The following NPSR1 variants were observed in gnomAD, a reference collection of about 807,000 sequenced individuals.
NPSR1 encodes the protein neuropeptide S receptor 1.
NPSR1 carries 48 observed loss-of-function variants against 46.9 expected under a neutral mutation model. The ratio of observed to expected loss-of-function variants is 1.02; its 90% confidence interval spans 0.81 to 1.30. The LOEUF (loss-of-function observed/expected upper bound fraction) is 1.30. Ranked by LOEUF, NPSR1 falls within the 50% of genes most tolerant of loss-of-function variation. The pLI, the probability that NPSR1 is intolerant of heterozygous loss-of-function variation, is 0.00. For synonymous variants in NPSR1, 176 were observed against 168.1 expected (o/e 1.05, Z -0.36); for missense variants, 450 against 449.5 (o/e 1.00, Z -0.01).
At chr7:34,678,161 C>T (rs914190467) in intron 1 of NPSR1, among the ~76,000 whole-genome samples, 3 of 151,954 alleles carry the variant, frequency 2.0e-5, no homozygotes, top group Non-Finnish European at 2.9e-5. Flanking sequence ...ATAAACCATC[C>T]CCCAGCACCA....
chr7:34,844,070 ACT>A (rs1347046592), intron 6 of NPSR1, among the ~76,000 whole-genome samples: 4 of 151,928 alleles, frequency 2.6e-5, no homozygotes, highest in South Asian at 2.1e-4. Flanking sequence ...GACAGTAGAA[ACT>A]CTTCCATGAG....
chr7:34,793,932 C>A (rs530030505), intron 3 of NPSR1, among the ~76,000 whole-genome samples: 4 of 152,144 alleles, frequency 2.6e-5, no homozygotes, highest in African/African-American at 9.6e-5. Context: ...ATAGATGAAC[C>A]TGGAGAACAT....
chr7:34,827,518 C>T lies in NPSR1; in HGVS notation c.596C>T (p.Ala199Val), dbSNP rs1789914235. ...TLSNGEVQCWALWPDDSYWTP... is the reference protein window; with the variant it reads ...TLSNGEVQCWVLWPDDSYWTP... ...TCCAACGGTGAAGTGCAGTGCTGGG[C>T]CCTGTGGCCTGACGACTCCTACTGG... The change falls in exon 5 of 9, where the codon GCC (alanine) becomes GTC (valine). Residue 199 changes from alanine (A) to valine (V), a missense_variant. Coordinates refer to ENST00000360581, the MANE Select transcript of NPSR1 (RefSeq NM_207172.2). 3 of 1,613,990 alleles carry T rather than the reference C, an allele frequency of 1.9e-6. No individual in the cohort carries two copies. Among genetic ancestry groups the T allele is most frequent in the Non-Finnish European group, 2.5e-6 (3 of 1,179,936 alleles).
intron 4 of NPSR1, among the ~76,000 whole-genome samples, chr7:34,826,887 CA>C (rs58951477): frequency 0.21 from 29,697 of 140,722 alleles, 3,164 homozygotes; most frequent in South Asian, 0.37. Context: ...ATGTTCCTAC[CA>C]AAAAAAAAAA....
At chr7:34,709,123 C>A (rs1009690314) in intron 2 of NPSR1, among the ~76,000 whole-genome samples, 1 of 152,110 alleles carries the variant, frequency 6.6e-6, no homozygotes, top group Admixed American at 6.5e-5. Context: ...TTGAGAGTAA[C>A]TAAGTATCTG....
At chr7:34,739,488 A>G (rs1784834619) in intron 2 of NPSR1, among the ~76,000 whole-genome samples, 1 of 152,132 alleles carries the variant, frequency 6.6e-6, no homozygotes. Flanking sequence ...CTAATAATTA[A>G]TGATGGTGAG....
At chr7:34,730,664 C>T (rs891271916) in intron 2 of NPSR1, among the ~76,000 whole-genome samples, 2 of 152,212 alleles carry the variant, frequency 1.3e-5, no homozygotes, top group Admixed American at 6.5e-5. Context: ...TATACAGAAG[C>T]CTTCTGGCTC....
chr7:34,750,302 G>A (rs948833477), intron 2 of NPSR1: 1 of 697,536 alleles, frequency 1.4e-6, no homozygotes, highest in Non-Finnish European at 2.7e-6. Flanking sequence ...TATTTTCTTG[G>A]GTGTCCTGTC....
chr7:34,826,570 G>C (rs1789850927), intron 4 of NPSR1, among the ~76,000 whole-genome samples: 1 of 152,194 alleles, frequency 6.6e-6, no homozygotes, highest in Non-Finnish European at 1.5e-5. Flanking sequence ...ATTAAGATGA[G>C]AGTTTCAACA....
chr7:34,824,065 G>A (rs1789709446), intron 4 of NPSR1, among the ~76,000 whole-genome samples: 1 of 152,074 alleles, frequency 6.6e-6, no homozygotes, highest in Non-Finnish European at 1.5e-5. Context: ...CTTTTCAGAG[G>A]AAAAAAATTA....
At chr7:34,699,949 C>T (rs1414234474) in intron 2 of NPSR1, among the ~76,000 whole-genome samples, 1 of 152,178 alleles carries the variant, frequency 6.6e-6, no homozygotes, top group Non-Finnish European at 1.5e-5. Context: ...AGCCCCTCTT[C>T]TGCTAGCTTT....
chr7:34,760,896 G>T (rs937130080), intron 2 of NPSR1, among the ~76,000 whole-genome samples: 2 of 152,194 alleles, frequency 1.3e-5, no homozygotes, highest in Non-Finnish European at 1.5e-5. Flanking sequence ...AGAGGAGCCA[G>T]TGTGATGCCT....
At chr7:34,775,720 C>G (rs1011567297) in intron 2 of NPSR1, among the ~76,000 whole-genome samples, 1 of 152,058 alleles carries the variant, frequency 6.6e-6, no homozygotes, top group African/African-American at 2.4e-5. Flanking sequence ...TTCTTCATCT[C>G]AATTTCATTT....
intron 2 of NPSR1, among the ~76,000 whole-genome samples, chr7:34,771,474 T>G (rs1207323235): frequency 6.6e-6 from 1 of 152,136 alleles, no homozygotes; most frequent in African/African-American, 2.4e-5. Flanking sequence ...AAGGGAGATT[T>G]ATCTCCCTAG....
chr7:34,664,616 TAAAAA>T (rs781560805), intron 1 of NPSR1, among the ~76,000 whole-genome samples: 1,653 of 145,064 alleles, frequency 0.011, 33 homozygotes, highest in African/African-American at 0.04. Flanking sequence ...TTCTTTTTTT[TAAAAA>T]AAAAAAATGA....
At chr7:34,803,811 G>A (rs1343458216) in intron 3 of NPSR1, among the ~76,000 whole-genome samples, 6 of 149,860 alleles carry the variant, frequency 4.0e-5, no homozygotes, top group African/African-American at 1.5e-4. Flanking sequence ...AATGAAAGAG[G>A]GGTCATCACT....
At chr7:34,822,369 T>C (rs1039390155) in intron 4 of NPSR1, among the ~76,000 whole-genome samples, 1 of 152,096 alleles carries the variant, frequency 6.6e-6, no homozygotes, top group Admixed American at 6.6e-5. Flanking sequence ...GGGAGTCAAA[T>C]GTAGCTGTGC....
At chr7:34,872,302 G>A (rs114502515) in intron 8 of NPSR1, among the ~76,000 whole-genome samples, 2,824 of 152,024 alleles carry the variant, frequency 0.019, 185 homozygotes, top group African/African-American at 0.064. Context: ...AAGCAAGGCC[G>A]TAGGCCTGGC....
intron 2 of NPSR1, among the ~76,000 whole-genome samples, chr7:34,747,437 T>C (rs898767776): frequency 1.3e-5 from 2 of 152,216 alleles, no homozygotes; most frequent in Non-Finnish European, 2.9e-5. Flanking sequence ...AATGTACTTA[T>C]TCTGTGCAAC....
Sources: allele counts gnomAD v4.1 joint callset (sites outside exome capture counted in the v4.1 genomes callset), GRCh38; gene constraint gnomAD v4.1.1; transcripts MANE v1.5; gene names NCBI Gene and HGNC (gene_info 2026-07-23, HGNC 2026-07-21).